The following CARMIL1 variants were observed in gnomAD, a reference collection of about 807,000 sequenced individuals.
CARMIL1 encodes capping protein regulator and myosin 1 linker 1.
In CARMIL1, 90 loss-of-function variants were observed where a neutral mutation model predicts 177.1. That is an observed-to-expected ratio of 0.51 (90% CI 0.43 to 0.61). The LOEUF is 0.61. CARMIL1 is among the 20% of genes least tolerant of loss of function. The pLI, the probability that CARMIL1 is intolerant of heterozygous loss-of-function variation, is 0.00. For missense variants in CARMIL1, 1,380 were observed against 1,667.0 expected (o/e 0.83, Z 3.00); for synonymous variants, 577 against 606.2 (o/e 0.95, Z 0.71).
chr6:25,548,753 T>G (rs1809773274), intron 26 of CARMIL1, among the ~76,000 whole-genome samples: 1 of 152,148 alleles, frequency 6.6e-6, no homozygotes, highest in African/African-American at 2.4e-5. Context: ...TTCTTTTGGA[T>G]ACTGATCAGG....
chr6:25,362,559 AGCTAATTGGGAGGCTGAG>A (rs1789331032), intron 2 of CARMIL1, among the ~76,000 whole-genome samples: 1 of 152,162 alleles, frequency 6.6e-6, no homozygotes, highest in African/African-American at 2.4e-5. Flanking sequence ...CTGTAATCCC[AGCTAATTGGGAGGCTGAG>A]GCAGGGGAAT....
intron 13 of CARMIL1, among the ~76,000 whole-genome samples, chr6:25,490,771 C>T (rs1803150268): frequency 6.6e-6 from 1 of 151,786 alleles, no homozygotes; most frequent in Non-Finnish European, 1.5e-5. Flanking sequence ...AAATGTCATT[C>T]TGTGTGTATG....
At chr6:25,527,503 G>A (rs914520939) in intron 23 of CARMIL1, among the ~76,000 whole-genome samples, 1 of 152,128 alleles carries the variant, frequency 6.6e-6, no homozygotes, top group African/African-American at 2.4e-5. Context: ...CAAAAGGACC[G>A]GAAGCTGGGT....
At chr6:25,319,251 T>C (rs1398736402) in intron 2 of CARMIL1, among the ~76,000 whole-genome samples, 1 of 152,210 alleles carries the variant, frequency 6.6e-6, no homozygotes, top group East Asian at 1.9e-4. Context: ...CTGGGCATCA[T>C]GTGGCTGACT....
At chr6:25,608,611 G>T (rs1816213565) in intron 35 of CARMIL1, among the ~76,000 whole-genome samples, 1 of 152,162 alleles carries the variant, frequency 6.6e-6, no homozygotes, top group Non-Finnish European at 1.5e-5. Flanking sequence ...CAAGAATTAT[G>T]TTAATAAACC....
At chr6:25,541,521 A>G (rs1430313649) in intron 26 of CARMIL1, among the ~76,000 whole-genome samples, 1 of 152,224 alleles carries the variant, frequency 6.6e-6, no homozygotes, top group South Asian at 2.1e-4. Flanking sequence ...AAATAGTATT[A>G]TACTTTCATA....
intron 5 of CARMIL1, among the ~76,000 whole-genome samples, chr6:25,438,950 A>T (rs1035989265): frequency 2.6e-5 from 4 of 152,090 alleles, no homozygotes; most frequent in African/African-American, 9.6e-5. Context: ...TAGGCAAGAG[A>T]TGACTGTGGT....
intron 2 of CARMIL1, among the ~76,000 whole-genome samples, chr6:25,356,671 T>A (rs986189268): frequency 6.6e-6 from 1 of 152,232 alleles, no homozygotes. Context: ...CTTAATGCCC[T>A]CTGGCAGCCA....
At chr6:25,495,630 CATTGT>C (rs1803634646) in intron 16 of CARMIL1, among the ~76,000 whole-genome samples, 1 of 151,610 alleles carries the variant, frequency 6.6e-6, no homozygotes. Flanking sequence ...ACTCTAAACA[CATTGT>C]ATGTATGCAA....
intron 2 of CARMIL1, among the ~76,000 whole-genome samples, chr6:25,333,038 G>C (rs891798722): frequency 6.6e-6 from 1 of 152,160 alleles, no homozygotes; most frequent in East Asian, 1.9e-4. Flanking sequence ...TTTACACTCA[G>C]ATGTGATTCC....
Position 25,279,424 on chromosome 6 carries a change from A to T in CARMIL1, c.-372A>T. The stretch of plus-strand genomic sequence containing the variant: ...ACCTAGGGCTGTAGGTGCGGCGCGG[A>T]GGCTGGGCGGGAGCTACGCCGGCCC... On this transcript the variant is annotated 5_prime_UTR_variant, in exon 1 of 37. Coordinates refer to ENST00000329474, the MANE Select transcript of CARMIL1 (RefSeq NM_017640.6). 1 of 351,092 alleles carries T rather than the reference A, an allele frequency of 2.8e-6. No homozygotes were observed. The highest frequency in any genetic ancestry group is 5.3e-6 in the Non-Finnish European group (1 of 190,046). 21.7% of individuals were successfully genotyped at this position (351,092 alleles called of 1,614,324 possible). A position where few individuals can be genotyped will look rare whatever the true frequency, so the allele number is the denominator to read the frequency against.
chr6:25,368,477 ACCT>A (rs1409479663), intron 2 of CARMIL1, among the ~76,000 whole-genome samples: 5 of 152,288 alleles, frequency 3.3e-5, no homozygotes, highest in African/African-American at 1.2e-4. Flanking sequence ...GACAGCTAAC[ACCT>A]CCTGATAAGC....
chr6:25,460,992 T>G (rs1800069583), intron 8 of CARMIL1, among the ~76,000 whole-genome samples: 1 of 152,218 alleles, frequency 6.6e-6, no homozygotes, highest in Non-Finnish European at 1.5e-5. Context: ...CCCCACCTGG[T>G]TATAATAATG....
chr6:25,411,270 T>G (rs1378156872), intron 2 of CARMIL1, among the ~76,000 whole-genome samples: 1 of 152,196 alleles, frequency 6.6e-6, no homozygotes, highest in Non-Finnish European at 1.5e-5. Flanking sequence ...ATGTGAGTTC[T>G]TAACACAAAA....
chr6:25,547,286 T>C (rs995505138), intron 26 of CARMIL1, among the ~76,000 whole-genome samples: 4 of 152,148 alleles, frequency 2.6e-5, no homozygotes, highest in African/African-American at 9.7e-5. Context: ...GACATTCCAA[T>C]AGGTTTTTAA....
In CARMIL1 at chr6:25,467,516, G is replaced by C. The variant is rs114998059; in HGVS notation, c.690+1568G>C. Among the ~76,000 whole-genome samples the C allele has an allele frequency of 4.2e-3, 638 of 152,304 alleles. 5 individuals are homozygous for C. Among genetic ancestry groups the C allele is most frequent in the African/African-American group, 0.013 (541 of 41,566 alleles). On this transcript the variant is annotated intron_variant, in intron 9 of 36. Transcript: ENST00000329474. ...AGGTTGTGGATATCTCACTTTTGGA[G>C]AGTGTCCCAACCTGCAATTACAGGA...
chr6:25,450,443 C>T lies in CARMIL1; in HGVS notation c.540+34C>T, dbSNP rs759434525. The T allele has an allele frequency of 2.0e-6, 3 of 1,489,400 alleles. No homozygotes were observed. In the Admixed American group the frequency reaches 5.0e-5, roughly 25 times the overall value. The allele number at this position is 1,489,400 out of a possible 1,614,324, so 92.3% of individuals were successfully genotyped here. On this transcript the variant is annotated intron_variant, in intron 7 of 36. Transcript: ENST00000329474. ...GTCTGTGTACATGTGCATGAGCACACACACTCCTGGAGAATATTCTAATGT... is the reference window on the plus strand; with the variant it reads ...GTCTGTGTACATGTGCATGAGCACATACACTCCTGGAGAATATTCTAATGT...
intron 5 of CARMIL1, among the ~76,000 whole-genome samples, chr6:25,442,913 G>A (rs944788698): frequency 1.1e-4 from 16 of 152,092 alleles, no homozygotes; most frequent in African/African-American, 3.6e-4. Context: ...TGAGGCTCTG[G>A]TTTCCAAATC....
rs1305883241 is a variant in CARMIL1, at chr6:25,279,412, G to C, written c.-384G>C. Reference sequence around the variant, plus strand: ...CCTTCCGCTTTCACCTAGGGCTGTAGGTGCGGCGCGGAGGCTGGGCGGGAG... The same window carrying C: ...CCTTCCGCTTTCACCTAGGGCTGTACGTGCGGCGCGGAGGCTGGGCGGGAG... On this transcript the variant is annotated 5_prime_UTR_variant, in exon 1 of 37. Transcript: ENST00000329474. 2 of 344,578 alleles carry C rather than the reference G, an allele frequency of 5.8e-6. No individual in the cohort carries two copies. Among genetic ancestry groups the C allele is most frequent in the Non-Finnish European group, 5.4e-6 (1 of 185,736 alleles). The allele number at this position is 344,578 out of a possible 1,614,324, so 21.3% of individuals were successfully genotyped here.
Sources: allele counts gnomAD v4.1 joint callset (sites outside exome capture counted in the v4.1 genomes callset), GRCh38; gene constraint gnomAD v4.1.1; transcripts MANE v1.5; gene names NCBI Gene and HGNC (gene_info 2026-07-23, HGNC 2026-07-21).